Variants in UGT1A5 observed in about 807,000 individuals in gnomAD.
UGT1A5 encodes UDP glucuronosyltransferase family 1 member A5.
In UGT1A5, 29 loss-of-function variants were observed where a neutral mutation model predicts 40.3. The observed-to-expected ratio is 0.72, with a 90% CI of 0.54 to 0.98. UGT1A5 has a LOEUF of 0.98. Ranked by LOEUF, UGT1A5 falls within the 50% of genes least tolerant of loss-of-function variation. The pLI is 0.00. For synonymous variants in UGT1A5, 257 were observed against 262.5 expected, an observed-to-expected ratio of 0.98 and a Z score of 0.20; for missense variants, 678 against 677.9, an observed-to-expected ratio of 1.00 and a Z score of 0.00.
At chr2:233,718,768 T>C in intron 1 of UGT1A5, 2 of 1,612,770 alleles carry the variant, frequency 1.2e-6, no homozygotes, top group Non-Finnish European at 1.7e-6. Flanking sequence ...AGGAAACAAA[T>C]GTAGCAGGCA....
intron 1 of UGT1A5, chr2:233,729,111 C>G (rs773243405): frequency 2.0e-5 from 33 of 1,612,748 alleles, no homozygotes; most frequent in Admixed American, 3.3e-5. Flanking sequence ...GTCAGCTGTC[C>G]GTGTCTTCTG....
intron 1 of UGT1A5, chr2:233,756,322 A>G (rs1437718635): frequency 6.6e-6 from 1 of 152,226 alleles, no homozygotes; most frequent in Non-Finnish European, 1.5e-5. Flanking sequence ...ATCCTCCTTT[A>G]AACCTCTAGT....
At chr2:233,761,982 G>T (rs1310969194) in intron 1 of UGT1A5, among the ~76,000 whole-genome samples, 1 of 152,142 alleles carries the variant, frequency 6.6e-6, no homozygotes, top group Non-Finnish European at 1.5e-5. Context: ...ACCTTCGGAG[G>T]TGACCTTATT....
intron 1 of UGT1A5, among the ~76,000 whole-genome samples, chr2:233,761,486 A>C (rs1697783062): frequency 6.6e-6 from 1 of 152,228 alleles, no homozygotes; most frequent in South Asian, 2.1e-4. Flanking sequence ...TGAAGCCTGC[A>C]CCTTGCCCTG....
intron 1 of UGT1A5, chr2:233,743,968 T>G: frequency 7.5e-7 from 1 of 1,327,238 alleles, no homozygotes; most frequent in Non-Finnish European, 1.0e-6. Flanking sequence ...GCGGCAAGGC[T>G]GCCAGCACCC....
At chr2:233,729,765 C>T in intron 1 of UGT1A5, 2 of 1,613,978 alleles carry the variant, frequency 1.2e-6, no homozygotes, top group Admixed American at 1.7e-5. Flanking sequence ...GGGTCAAGAA[C>T]ATGCTCTACC....
chr2:233,744,363 T>G (rs1041937060), intron 1 of UGT1A5, among the ~76,000 whole-genome samples: 1 of 151,886 alleles, frequency 6.6e-6, no homozygotes, highest in African/African-American at 2.4e-5. Context: ...TCCTGTTGTT[T>G]AGGACTGCAG....
rs528463880 is a variant in UGT1A5 at position 233,713,208 on chromosome 2, A to G, written c.217A>G (p.Asn73Asp). 1.9e-6 allele frequency: 3 copies of G among 1,614,188 alleles called. No homozygotes were observed. The highest frequency in any genetic ancestry group is 2.5e-6 in the Non-Finnish European group (3 of 1,180,022). ...GGTGAATATGTACATCAAAGAAGAG[A>G]ACTTTTTCACCCTGACAACGTATGC... ...LEVNMYIKEE[N>D]FFTLTTYAIS... The change falls in exon 1 of 5, where the codon AAC becomes GAC. Residue 73 changes from asparagine to aspartate, a missense_variant. By Grantham distance (23) the Asn-to-Asp change is conservative. Coordinates refer to ENST00000373414, the MANE Select transcript of UGT1A5 (RefSeq NM_019078.2).
chr2:233,721,874 C>T, intron 1 of UGT1A5: 1 of 497,188 alleles, frequency 2.0e-6, no homozygotes. Flanking sequence ...GGCACACTTG[C>T]CAGCCCCTCC....
At chr2:233,759,644 C>A (rs34916116) in intron 1 of UGT1A5, among the ~76,000 whole-genome samples, 5,494 of 124,518 alleles carry the variant, frequency 0.044, 131 homozygotes, top group Non-Finnish European at 0.061. Flanking sequence ...TAGCATGCTT[C>A]ACGATTTCTA....
intron 1 of UGT1A5, chr2:233,719,395 C>A (rs770164749): frequency 4.0e-5 from 64 of 1,613,854 alleles, no homozygotes; most frequent in Non-Finnish European, 5.2e-5. Context: ...AATCCTTCCT[C>A]CTATATTCCT....
At chr2:233,747,724 T>G in intron 1 of UGT1A5, 1 of 1,613,440 alleles carries the variant, frequency 6.2e-7, no homozygotes, top group Admixed American at 1.7e-5. Flanking sequence ...CCTGCTGTGT[T>G]TTTTTTGAGG....
chr2:233,731,938 C>T (rs1286643444), intron 1 of UGT1A5, among the ~76,000 whole-genome samples: 1 of 152,210 alleles, frequency 6.6e-6, no homozygotes, highest in African/African-American at 2.4e-5. Flanking sequence ...ACATCCTCTC[C>T]AACATCTGTT....
At chr2:233,747,833 C>T (rs1236031323) in intron 1 of UGT1A5, 1 of 1,613,530 alleles carries the variant, frequency 6.2e-7, no homozygotes, top group Non-Finnish European at 8.5e-7. Context: ...ACATGACATT[C>T]CTGCAAAGGG....
intron 1 of UGT1A5, among the ~76,000 whole-genome samples, chr2:233,727,349 G>GT (rs760245596): frequency 1.3e-5 from 2 of 152,230 alleles, no homozygotes; most frequent in Non-Finnish European, 2.9e-5. Context: ...CCATAGTTCT[G>GT]CTATCCTTAG....
intron 1 of UGT1A5, chr2:233,760,742 C>T: frequency 3.1e-6 from 5 of 1,614,166 alleles, no homozygotes; most frequent in Non-Finnish European, 4.2e-6. Context: ...CTGACGGACC[C>T]TTTCCTTCCT....
intron 1 of UGT1A5, chr2:233,741,566 A>C (rs1338597407): frequency 6.6e-6 from 1 of 151,914 alleles, no homozygotes; most frequent in Non-Finnish European, 1.5e-5. Flanking sequence ...TTGTATGAGA[A>C]TCAACTACCC....
Position 233,773,149 on chromosome 2 carries a change from G to A in UGT1A5, c.*590G>A, listed in dbSNP as rs1700568248. On this transcript the variant is annotated 3_prime_UTR_variant, in exon 5 of 5. Coordinates refer to ENST00000373414, the MANE Select transcript of UGT1A5 (RefSeq NM_019078.2). ...AAGAATGATGCTATGAAATTGGTGG[G>A]TGGTGTATTTGAGAAGATAATCATT... 1 of 154,230 alleles carries A rather than the reference G, an allele frequency of 6.5e-6. No individual in the cohort carries two copies. The highest frequency in any genetic ancestry group is 6.4e-5 in the Admixed American group (1 of 15,708). The allele number at this position is 154,230 out of a possible 1,614,324, so 9.6% of individuals were successfully genotyped here.
chr2:233,718,966 G>C (rs201968211), intron 1 of UGT1A5: 2 of 1,614,188 alleles, frequency 1.2e-6, no homozygotes, highest in South Asian at 2.2e-5. Flanking sequence ...GAGGCCTTGC[G>C]GGAGCTCCAT....
Sources: allele counts gnomAD v4.1 joint callset (sites outside exome capture counted in the v4.1 genomes callset), GRCh38; gene constraint gnomAD v4.1.1; transcripts MANE v1.5; gene names NCBI Gene and HGNC (gene_info 2026-07-23, HGNC 2026-07-21).